Variants in PREX2 observed in about 807,000 individuals in gnomAD.
PREX2 encodes the protein phosphatidylinositol-3,4,5-trisphosphate dependent Rac exchange factor 2.
PREX2 carries 107 observed loss-of-function variants against 203.2 expected under a neutral mutation model. That is an observed-to-expected ratio of 0.53 (90% CI 0.45 to 0.62). PREX2 has a LOEUF of 0.62. Ranked by LOEUF, PREX2 falls within the 20% of genes least tolerant of loss-of-function variation. PREX2 has a pLI of 0.00. For missense variants in PREX2, 1,777 were observed against 1,955.9 expected, an observed-to-expected ratio of 0.91 and a Z score of 1.72; for synonymous variants, 672 against 663.6, an observed-to-expected ratio of 1.01 and a Z score of -0.19.
intron 1 of PREX2, among the ~76,000 whole-genome samples, chr8:68,002,691 C>T (rs34982867): frequency 0.11 from 16,960 of 151,902 alleles, 962 homozygotes; most frequent in South Asian, 0.16. Context: ...GCAGCATTTC[C>T]TTAAAAATGT....
At chr8:68,045,220 C>G (rs1465468240) in intron 8 of PREX2, among the ~76,000 whole-genome samples, 1 of 151,082 alleles carries the variant, frequency 6.6e-6, no homozygotes, top group Non-Finnish European at 1.5e-5. Flanking sequence ...ATTGCACTTT[C>G]TATTTGAAAA....
intron 35 of PREX2, among the ~76,000 whole-genome samples, chr8:68,163,927 A>G: frequency 6.6e-6 from 1 of 152,116 alleles, no homozygotes; most frequent in East Asian, 1.9e-4. Flanking sequence ...CATCACATAC[A>G]CCAAGGTCAA....
chr8:68,107,220 A>G (rs765057405), intron 23 of PREX2, among the ~76,000 whole-genome samples: 8 of 152,158 alleles, frequency 5.3e-5, no homozygotes, highest in Non-Finnish European at 5.9e-5. Context: ...ACAGTTCGGC[A>G]ATGAAGGAAG....
At chr8:68,138,001 A>G (rs2129613487) in intron 32 of PREX2, among the ~76,000 whole-genome samples, 1 of 152,366 alleles carries the variant, frequency 6.6e-6, no homozygotes, top group East Asian at 1.9e-4. Context: ...AAAATAGGAT[A>G]GCTATTATGT....
At position 68,234,490 on chromosome 8, in the gene PREX2, A is replaced by T. The variant is rs1813229261; in HGVS notation, c.*3112A>T. ...TTTAAGCATTCTATTATCTCCTATA[A>T]TTTTTTCTAATATTAATTCCAAATA... On this transcript the variant is annotated 3_prime_UTR_variant, in exon 40 of 40. Transcript: ENST00000288368. 3.9e-5 allele frequency: 6 copies of T among 152,080 alleles called. No homozygotes were observed. The highest frequency in any genetic ancestry group is 3.9e-4 in the Admixed American group (6 of 15,266). The allele number at this position is 152,080 out of a possible 1,614,324, so 9.4% of individuals were successfully genotyped here.
At chr8:68,149,259 C>T (rs1007205260) in intron 34 of PREX2, among the ~76,000 whole-genome samples, 1 of 152,172 alleles carries the variant, frequency 6.6e-6, no homozygotes, top group Non-Finnish European at 1.5e-5. Context: ...GGGCATCCTT[C>T]AGAGATGGGA....
rs545817334 is a variant in PREX2 at position 68,142,458 on chromosome 8, C to T, written c.4088-3751C>T. Among the ~76,000 whole-genome samples, 177 of 152,300 alleles carry T rather than the reference C, an allele frequency of 1.2e-3. 1 individual carries two copies. The highest frequency in any genetic ancestry group is 1.6e-3 in the Non-Finnish European group (110 of 68,020). ...CATTTAAGCTTCCTTCATGTCTTTT[C>T]ATGGCTTGATAGTTCATTTCTTTTT... On this transcript the variant is annotated intron_variant, in intron 33 of 39. Transcript: ENST00000288368.
Position 67,953,832 on chromosome 8 carries a change from A to C in PREX2, c.141+1297A>C, listed in dbSNP as rs193185670. 4.9e-4 allele frequency among the ~76,000 whole-genome samples: 74 copies of C among 152,360 alleles called. 1 individual carries two copies. The highest frequency in any genetic ancestry group is 2.2e-3 in the Admixed American group (34 of 15,310). On this transcript the variant is annotated intron_variant, in intron 1 of 39. Coordinates refer to ENST00000288368, the MANE Select transcript of PREX2 (RefSeq NM_024870.4). Reference sequence around the variant, plus strand: ...GTAACTGGTGGTTTATAGAATTATTATATACTTCCTTGTAACAAAGATTGT... The same window carrying C: ...GTAACTGGTGGTTTATAGAATTATTCTATACTTCCTTGTAACAAAGATTGT...
intron 36 of PREX2, 105 bp downstream of exon 36, chr8:68,191,893 C>T: frequency 1.4e-6 from 1 of 738,978 alleles, no homozygotes; most frequent in Non-Finnish European, 2.3e-6. Context: ...TAGTTTTAAT[C>T]TAAGTAGGGA....
chr8:68,114,329 TAAC>T (rs773334556), intron 25 of PREX2: 5 of 506,586 alleles, frequency 9.9e-6, no homozygotes, highest in Non-Finnish European at 7.9e-6. Flanking sequence ...CGTCTTGAAA[TAAC>T]AAACATTACA....
chr8:68,108,447 A>G (rs1228694220), intron 24 of PREX2, 116 bp downstream of exon 24: 22 of 682,554 alleles, frequency 3.2e-5, no homozygotes, highest in East Asian at 2.2e-4. Context: ...ATGAACTTTT[A>G]TAAAGGAAGG....
At chr8:68,139,500 GC>G (rs1380003890) in intron 33 of PREX2, among the ~76,000 whole-genome samples, 1 of 152,170 alleles carries the variant, frequency 6.6e-6, no homozygotes, top group African/African-American at 2.4e-5. Context: ...AAAGAGCTTT[GC>G]TTCCTAACCA....
At position 67,975,272 on chromosome 8, in the gene PREX2, G is replaced by GTTTTTTTT. The variant is rs75276095; in HGVS notation, c.141+22757_141+22764dup. 3.1e-5 allele frequency among the ~76,000 whole-genome samples: 3 copies of GTTTTTTTT among 96,822 alleles called. 1 individual carries two copies. Among genetic ancestry groups the GTTTTTTTT allele is most frequent in the Non-Finnish European group, 4.1e-5 (2 of 49,238 alleles). The allele number at this position is 96,822 out of a possible 152,430, so 63.5% of individuals were successfully genotyped here. On this transcript the variant is annotated intron_variant, in intron 1 of 39. Coordinates refer to ENST00000288368, the MANE Select transcript of PREX2 (RefSeq NM_024870.4). Reference sequence around the variant, plus strand: ...GGCTGATGTTACCTGCACACGGCCTGTTTTTTTTTTTTTTTTTTTTTTTTT... The same window carrying GTTTTTTTT: ...GGCTGATGTTACCTGCACACGGCCTGTTTTTTTTTTTTTTTTTTTTTTTTTTTTTTTTT...
At chr8:68,053,767 T>C (rs1447305751) in intron 9 of PREX2, among the ~76,000 whole-genome samples, 1 of 152,188 alleles carries the variant, frequency 6.6e-6, no homozygotes, top group Non-Finnish European at 1.5e-5. Context: ...TACAAACTTT[T>C]AAAAATTGTT....
intron 7 of PREX2, 97 bp from the exon 8 acceptor site, chr8:68,044,390 T>C (rs565726737): frequency 2.6e-6 from 2 of 768,370 alleles, no homozygotes; most frequent in African/African-American, 3.4e-5. Flanking sequence ...TCGATTGAAT[T>C]GGTGTCTTTT....
intron 6 of PREX2, among the ~76,000 whole-genome samples, chr8:68,032,645 C>T (rs780892713): frequency 6.6e-6 from 1 of 152,164 alleles, no homozygotes; most frequent in Non-Finnish European, 1.5e-5. Context: ...ATAGGACTCT[C>T]TGTAAGGACG....
chr8:68,048,694 A>G (rs1355785334), intron 8 of PREX2, among the ~76,000 whole-genome samples: 1 of 152,096 alleles, frequency 6.6e-6, no homozygotes, highest in East Asian at 1.9e-4. Context: ...ACATAAGACT[A>G]TATAAAAACT....
intron 1 of PREX2, among the ~76,000 whole-genome samples, chr8:67,986,353 C>A (rs1806424021): frequency 6.6e-6 from 1 of 151,330 alleles, no homozygotes; most frequent in African/African-American, 2.4e-5. Flanking sequence ...CTGAAGAAGT[C>A]TTGTGATGGA....
At chr8:68,174,120 T>C (rs1399527576) in intron 35 of PREX2, among the ~76,000 whole-genome samples, 1 of 152,188 alleles carries the variant, frequency 6.6e-6, no homozygotes, top group East Asian at 1.9e-4. Flanking sequence ...CAGCTCCTTT[T>C]TGCTGACATT....
Sources: allele counts gnomAD v4.1 joint callset (sites outside exome capture counted in the v4.1 genomes callset), GRCh38; gene constraint gnomAD v4.1.1; transcripts MANE v1.5; gene names NCBI Gene and HGNC (gene_info 2026-07-23, HGNC 2026-07-21).